KIF13A: variants seen among roughly 807,000 people sequenced by gnomAD.
KIF13A encodes the protein kinesin-like protein KIF13A.
KIF13A carries 79 observed loss-of-function variants against 212.2 expected under a neutral mutation model. That is an observed-to-expected ratio of 0.37 (90% CI 0.31 to 0.45). The LOEUF is 0.45. Ranked by LOEUF, KIF13A falls within the 20% of genes least tolerant of loss-of-function variation. KIF13A has a pLI of 1.00. For synonymous variants in KIF13A, 789 were observed against 808.6 expected, an observed-to-expected ratio of 0.98 and a Z score of 0.41; for missense variants, 1,901 against 2,209.0, an observed-to-expected ratio of 0.86 and a Z score of 2.79.
chr6:17,885,373 T>C (rs941778492), intron 3 of KIF13A, among the ~76,000 whole-genome samples: 2 of 152,238 alleles, frequency 1.3e-5, no homozygotes, highest in Non-Finnish European at 2.9e-5. Context: ...AAGTAACAGC[T>C]GTCTTTTGGC....
rs1208986863 is a variant in KIF13A, at chr6:17,897,547, T to C, written c.159+621A>G. Reference sequence around the variant, plus strand: ...ATTCTCTAACTTCTGGCCTTCTCACTGGTAAAAATGCCATCAAAGGTTGGC... The same window carrying C: ...ATTCTCTAACTTCTGGCCTTCTCACCGGTAAAAATGCCATCAAAGGTTGGC... On this transcript the variant is annotated intron_variant, in intron 3 of 38. Coordinates refer to ENST00000259711, the MANE Select transcript of KIF13A (RefSeq NM_022113.6). The surrounding 1 kb of genome is among the most constrained non-coding windows in gnomAD (Gnocchi z 4.8). Among the ~76,000 whole-genome samples the C allele has an allele frequency of 6.6e-6, 1 of 152,162 alleles. No homozygotes were observed. Among genetic ancestry groups the C allele is most frequent in the East Asian group, 1.9e-4 (1 of 5,198 alleles).
rs1206550710 is a variant in KIF13A at position 17,810,064 on chromosome 6, T to TA, written c.2001-1135dup. On this transcript the variant is annotated intron_variant, in intron 17 of 38. Transcript: ENST00000259711. ...CAACATAGCAAGACCTCATCTCTAT[T>TA]AAAAAAAAACAAAAAAGGTGATACC... 3.4e-3 allele frequency among the ~76,000 whole-genome samples: 518 copies of TA among 150,782 alleles called. 5 individuals are homozygous for TA. Among genetic ancestry groups the TA allele is most frequent in the African/African-American group, 0.011 (468 of 41,104 alleles).
rs952996802 is a variant in KIF13A, at chr6:17,768,396, C to T, written c.4581+2718G>A. On this transcript the variant is annotated intron_variant, in intron 38 of 38. Coordinates refer to ENST00000259711, the MANE Select transcript of KIF13A (RefSeq NM_022113.6). This position sits in a 1 kb window ranked among gnomAD's most constrained non-coding sequence, Gnocchi z 5.4. ...CTTGATTTTAAAAAGGGACTGAAAT[C>T]CACATTAAAGCAGTGACTCTTTGTA... Among the ~76,000 whole-genome samples, 3 of 152,168 alleles carry T rather than the reference C, an allele frequency of 2.0e-5. No homozygotes were observed. The highest frequency in any genetic ancestry group is 7.2e-5 in the African/African-American group (3 of 41,444).
chr6:17,863,569 CTGG>C (rs1304859397), intron 4 of KIF13A, among the ~76,000 whole-genome samples: 4 of 151,900 alleles, frequency 2.6e-5, no homozygotes, highest in East Asian at 3.9e-4. Flanking sequence ...CAGGGCACCA[CTGG>C]TATAGGAAAA....
At chr6:17,846,269 T>C (rs1175829250) in intron 9 of KIF13A, among the ~76,000 whole-genome samples, 1 of 151,930 alleles carries the variant, frequency 6.6e-6, no homozygotes, top group Non-Finnish European at 1.5e-5. Flanking sequence ...GCATACTAAA[T>C]GTTTGCTGGG....
chr6:17,939,610 AG>A (rs909958650), intron 2 of KIF13A, among the ~76,000 whole-genome samples: 1 of 152,196 alleles, frequency 6.6e-6, no homozygotes, highest in African/African-American at 2.4e-5. Flanking sequence ...GGTCTGCACA[AG>A]GTACAGATCA....
intron 31 of KIF13A, 126 bp downstream of exon 31, chr6:17,780,604 C>T (rs931157385): frequency 1.2e-6 from 1 of 831,716 alleles, no homozygotes. Context: ...GAGAATCAGA[C>T]TATAACTTGG....
chr6:17,760,059 T>C (rs947387566), downstream of KIF13A: 5 of 152,216 alleles, frequency 3.3e-5, no homozygotes, highest in Admixed American at 2.0e-4. Context: ...CCAAAGAATA[T>C]AGCTGTGAGA....
chr6:17,883,461 GATCA>G lies in KIF13A; in HGVS notation c.160-10028_160-10025del, dbSNP rs769304170. On this transcript the variant is annotated intron_variant, in intron 3 of 38. Coordinates refer to ENST00000259711, the MANE Select transcript of KIF13A (RefSeq NM_022113.6). This position sits in a 1 kb window ranked among gnomAD's most constrained non-coding sequence, Gnocchi z 4.8. ...TGTGACATCTGCTTAAAATAGCACA[GATCA>G]GTCAGTGTAAATCCTTCAGTGGCAC... Among the ~76,000 whole-genome samples the G allele has an allele frequency of 1.3e-5, 2 of 152,186 alleles. No homozygotes were observed. Among genetic ancestry groups the G allele is most frequent in the African/African-American group, 4.8e-5 (2 of 41,442 alleles).
chr6:17,815,745 ATTC>A (rs1472309793), intron 17 of KIF13A: 5 of 228,588 alleles, frequency 2.2e-5, no homozygotes, highest in African/African-American at 6.8e-5. Context: ...TAGTATAACT[ATTC>A]TTATTCTATA....
intron 34 of KIF13A, among the ~76,000 whole-genome samples, chr6:17,775,765 T>G (rs1351272515): frequency 6.6e-6 from 1 of 152,230 alleles, no homozygotes; most frequent in Non-Finnish European, 1.5e-5. Context: ...TTGCCCAGGC[T>G]GGTCTCAAAT....
chr6:17,933,163 A>G (rs1776154903), intron 2 of KIF13A, among the ~76,000 whole-genome samples: 3 of 152,148 alleles, frequency 2.0e-5, no homozygotes, highest in Admixed American at 6.6e-5. Context: ...TGAATTTAAG[A>G]GTTGTCAAGT....
chr6:17,876,508 G>T (rs541199930), intron 3 of KIF13A, among the ~76,000 whole-genome samples: 1 of 152,034 alleles, frequency 6.6e-6, no homozygotes, highest in Non-Finnish European at 1.5e-5. Flanking sequence ...AAATCCAAAG[G>T]AATCATCTTT....
chr6:17,822,767 G>A (rs1764576532), intron 16 of KIF13A, among the ~76,000 whole-genome samples: 1 of 152,196 alleles, frequency 6.6e-6, no homozygotes, highest in South Asian at 2.1e-4. Context: ...ACTCACAGCA[G>A]ACTTGTTGCT....
chr6:17,979,562 T>C (rs1179039185), intron 2 of KIF13A, among the ~76,000 whole-genome samples: 1 of 152,192 alleles, frequency 6.6e-6, no homozygotes, highest in Non-Finnish European at 1.5e-5. Context: ...AGATAAATCA[T>C]GTATAGTCCT....
intron 2 of KIF13A, among the ~76,000 whole-genome samples, chr6:17,979,064 C>T (rs868598107): frequency 6.6e-6 from 1 of 152,142 alleles, no homozygotes; most frequent in Non-Finnish European, 1.5e-5. Flanking sequence ...GAGGGTGCAC[C>T]TGGAGGCCAC....
At chr6:17,953,346 G>C (rs1778044322) in intron 2 of KIF13A, among the ~76,000 whole-genome samples, 1 of 151,958 alleles carries the variant, frequency 6.6e-6, no homozygotes, top group Non-Finnish European at 1.5e-5. Flanking sequence ...CAAACTTTTA[G>C]GAATGATTAC....
At chr6:17,835,049 G>T (rs1196437564) in intron 11 of KIF13A, among the ~76,000 whole-genome samples, 1 of 151,630 alleles carries the variant, frequency 6.6e-6, no homozygotes. Context: ...GGGTATAATG[G>T]CGCATGCCTG....
rs761844305 is a variant in KIF13A, at chr6:17,764,323, G to T, written c.5205C>A (p.Phe1735Leu). ...CCTCTGACACTCCCATAAATTCTGT[G>T]AAAGAATGGTCTTCAAGGATGTTGG... is the stretch of plus-strand genomic sequence containing the variant. ...HTTNILEDHS[F>L]TEFMGVSEGK... The change falls in exon 39 of 39, where the codon TTC becomes TTA. Residue 1735 changes from phenylalanine (F) to leucine (L), a missense_variant. By Grantham distance (22) the Phe-to-Leu change is conservative (BLOSUM62 0). Transcript: ENST00000259711. The surrounding 1 kb of genome is among the most constrained non-coding windows in gnomAD (Gnocchi z 5.1). The T allele has an allele frequency of 1.9e-6, 3 of 1,613,966 alleles. No individual in the cohort carries two copies. In the South Asian group the frequency reaches 3.3e-5, roughly 18 times the overall value.
Sources: allele counts gnomAD v4.1 joint callset (sites outside exome capture counted in the v4.1 genomes callset), GRCh38; gene constraint gnomAD v4.1.1; non-coding constraint Gnocchi (gnomAD v3.1); transcripts MANE v1.5; gene names NCBI Gene and HGNC (gene_info 2026-07-23, HGNC 2026-07-21).